Variants in PRELID2 observed in about 807,000 individuals in gnomAD.
The protein encoded by PRELID2 is PRELI domain containing 2.
In PRELID2, 25 loss-of-function variants were observed where a neutral mutation model predicts 28.4. That is an observed-to-expected ratio of 0.88 (90% CI 0.64 to 1.23). The LOEUF is 1.23. PRELID2 is among the 50% of genes most tolerant of loss of function. The probability of loss-of-function intolerance (pLI) is 0.00; values close to 1 mark genes in which losing one functional copy is unlikely to be tolerated. For missense variants in PRELID2, 201 were observed against 214.4 expected, an observed-to-expected ratio of 0.94 and a Z score of 0.39; for synonymous variants, 76 against 71.6, an observed-to-expected ratio of 1.06 and a Z score of -0.31.
the PRELID2 span, among the ~76,000 whole-genome samples, chr5:145,434,829 G>T: frequency 6.6e-6 from 1 of 152,160 alleles, no homozygotes; most frequent in African/African-American, 2.4e-5. Flanking sequence ...ATATGTGAAA[G>T]TCAGAAGGGA....
At chr5:145,753,233 C>G (rs1432174870), downstream of PRELID2, among the ~76,000 whole-genome samples, 2 of 150,046 alleles carry the variant, frequency 1.3e-5, no homozygotes. Context: ...CTGCTATTTT[C>G]TCTCTGCTGC....
chr5:145,601,593 GAA>G (rs1753398137), intron 1 of PRELID2, among the ~76,000 whole-genome samples: 1 of 152,130 alleles, frequency 6.6e-6, no homozygotes, highest in South Asian at 2.1e-4. Flanking sequence ...AAATCATATT[GAA>G]GAGTTAATAA....
the PRELID2 span, among the ~76,000 whole-genome samples, chr5:145,392,247 G>C: frequency 9.8e-4 from 149 of 152,054 alleles, 2 homozygotes; most frequent in Admixed American, 4.7e-3. Flanking sequence ...GGCTGGGGAG[G>C]CCTCAGGAAA....
the PRELID2 span, among the ~76,000 whole-genome samples, chr5:145,396,487 T>TAAAAAAA: frequency 7.8e-6 from 1 of 128,954 alleles, no homozygotes. Flanking sequence ...TCACAGATTG[T>TAAAAAAA]AAAAAAAAAA....
intron 1 of PRELID2, among the ~76,000 whole-genome samples, chr5:145,563,192 C>G (rs1489578552): frequency 6.6e-6 from 1 of 152,224 alleles, no homozygotes; most frequent in Non-Finnish European, 1.5e-5. Context: ...CTTTTGATAT[C>G]ACCGTTTAGG....
At chr5:145,639,387 G>A (rs2149662985) in intron 1 of PRELID2, among the ~76,000 whole-genome samples, 1 of 152,240 alleles carries the variant, frequency 6.6e-6, no homozygotes, top group Non-Finnish European at 1.5e-5. Flanking sequence ...GGATCACAGA[G>A]GTCTAAGCAT....
chr5:145,555,222 T>C (rs1035528579), intron 1 of PRELID2, among the ~76,000 whole-genome samples: 2 of 152,204 alleles, frequency 1.3e-5, no homozygotes, highest in African/African-American at 4.8e-5. Context: ...CAAATTTAGG[T>C]TAGGTCCCTT....
chr5:145,236,888 GATGC>G, the PRELID2 span, among the ~76,000 whole-genome samples: 1 of 152,094 alleles, frequency 6.6e-6, no homozygotes, highest in Non-Finnish European at 1.5e-5. Context: ...ATTTTCCTCA[GATGC>G]ATTCTAAAGC....
chr5:145,250,673 T>C, the PRELID2 span, among the ~76,000 whole-genome samples: 1 of 152,134 alleles, frequency 6.6e-6, no homozygotes, highest in Non-Finnish European at 1.5e-5. Flanking sequence ...ACTTTTGAGA[T>C]GGAATACAAA....
chr5:145,394,473 C>T, the PRELID2 span, among the ~76,000 whole-genome samples: 1 of 151,734 alleles, frequency 6.6e-6, no homozygotes, highest in East Asian at 1.9e-4. Flanking sequence ...AGGTGATATA[C>T]CTAATGCTAA....
chr5:145,571,883 G>A (rs1012002578), intron 1 of PRELID2, among the ~76,000 whole-genome samples: 1 of 151,788 alleles, frequency 6.6e-6, no homozygotes, highest in Non-Finnish European at 1.5e-5. Flanking sequence ...CTGGGAGTCT[G>A]AGGCAGGAGA....
intron 1 of PRELID2, among the ~76,000 whole-genome samples, chr5:145,520,543 C>G (rs932280612): frequency 6.6e-6 from 1 of 152,084 alleles, no homozygotes; most frequent in Admixed American, 6.6e-5. Flanking sequence ...TGTGCTGCCC[C>G]CTCTCTCCAG....
intron 1 of PRELID2, among the ~76,000 whole-genome samples, chr5:145,648,136 G>A (rs1234055870): frequency 6.6e-6 from 1 of 152,200 alleles, no homozygotes; most frequent in African/African-American, 2.4e-5. Flanking sequence ...TAAAGAAGAT[G>A]TGTATACCTT....
At chr5:145,556,177 C>CAAAAAAAAAAAAAAAAAA (rs1231402100) in intron 1 of PRELID2, among the ~76,000 whole-genome samples, 1 of 61,208 alleles carries the variant, frequency 1.6e-5, no homozygotes, top group Non-Finnish European at 3.6e-5. Context: ...GACTCTATCT[C>CAAAAAAAAAAAAAAAAAA]AAAAAAAAAA....
intron 1 of PRELID2, among the ~76,000 whole-genome samples, chr5:145,745,628 G>A (rs1027929013): frequency 6.6e-5 from 10 of 152,092 alleles, no homozygotes; most frequent in South Asian, 2.1e-4. Flanking sequence ...TTGGGAGGCC[G>A]AGGACGGCAG....
rs188638496 is a variant in PRELID2 at position 145,633,414 on chromosome 5, G to A, written n.70+131517C>T. Among the ~76,000 whole-genome samples the A allele has an allele frequency of 2.2e-3, 340 of 152,166 alleles. 2 individuals are homozygous for A. The highest frequency in any genetic ancestry group is 3.5e-4 in the Non-Finnish European group (24 of 68,006). On this transcript the variant is annotated intron_variant and non_coding_transcript_variant, in intron 1 of 2. Coordinates refer to the PRELID2 transcript ENST00000510259. ...GTTCCCCAGGTCTAAGGTCTGACTC[G>A]GCCTTTGCATGAATAGTAAACTCTA... is the stretch of plus-strand genomic sequence containing the variant.
chr5:145,497,737 A>G (rs902022041), intron 1 of PRELID2, among the ~76,000 whole-genome samples: 7 of 152,318 alleles, frequency 4.6e-5, no homozygotes, highest in African/African-American at 1.7e-4. Context: ...GATGGCTAAA[A>G]TATTTTGAGG....
chr5:145,378,377 G>A, the PRELID2 span, among the ~76,000 whole-genome samples: 80 of 152,240 alleles, frequency 5.3e-4, no homozygotes, highest in African/African-American at 1.9e-3. Context: ...CCTGAAATAT[G>A]TTTTCCAAGT....
At chr5:145,664,372 A>G (rs1754549239) in intron 1 of PRELID2, among the ~76,000 whole-genome samples, 1 of 152,154 alleles carries the variant, frequency 6.6e-6, no homozygotes, top group African/African-American at 2.4e-5. Context: ...TATACTAAGA[A>G]GCAGAATGAA....
Sources: allele counts gnomAD v4.1 joint callset (sites outside exome capture counted in the v4.1 genomes callset), GRCh38; gene constraint gnomAD v4.1.1; transcripts MANE v1.5; gene names NCBI Gene and HGNC (gene_info 2026-07-23, HGNC 2026-07-21).